The following ERICH1 variants were observed in gnomAD, a reference collection of about 807,000 sequenced individuals.
The protein encoded by ERICH1 is glutamate-rich protein 1.
Under a neutral mutation model 39.6 loss-of-function variants are expected in ERICH1, and 56 were observed. The observed-to-expected ratio is 1.41, with a 90% CI of 1.14 to 1.77. ERICH1 has a LOEUF of 1.77. Among genes scored for constraint, ERICH1 ranks in the 40% most tolerant of loss-of-function variants. The pLI is 0.00. For missense variants in ERICH1, 826 were observed against 575.4 expected (o/e 1.44, Z -4.45); for synonymous variants, 313 against 223.6 (o/e 1.40, Z -3.57).
chr8:706,640 G>A (rs540932648), intron 2 of ERICH1, among the ~76,000 whole-genome samples: 4 of 152,180 alleles, frequency 2.6e-5, no homozygotes, highest in South Asian at 2.1e-4. Flanking sequence ...TTAGTCGGAC[G>A]TGGTGGCACA....
intron 2 of ERICH1, among the ~76,000 whole-genome samples, chr8:699,544 T>C (rs957454914): frequency 2.0e-5 from 3 of 152,112 alleles, no homozygotes; most frequent in Non-Finnish European, 4.4e-5. Flanking sequence ...TGACGGCGAC[T>C]CACAAAAGCA....
chr8:619,174 T>C (rs1797120217), intron 3 of ERICH1, among the ~76,000 whole-genome samples: 1 of 151,808 alleles, frequency 6.6e-6, no homozygotes, highest in Non-Finnish European at 1.5e-5. Flanking sequence ...TCTGGCCACC[T>C]GTGTTGCCCA....
rs189236189 is a variant in ERICH1, at chr8:616,424, C to T, written c.977-1140G>A. 3.8e-3 allele frequency: 1,624 copies of T among 422,646 alleles called. 10 individuals are homozygous for T. Among genetic ancestry groups the T allele is most frequent in the Middle Eastern group, 9.0e-3 (14 of 1,552 alleles). 26.2% of individuals were successfully genotyped at this position (422,646 alleles called of 1,614,324 possible). A position where few individuals can be genotyped will look rare whatever the true frequency, so the allele number is the denominator to read the frequency against. ...CACGTGTGTGAGGCTGACCGAACCC[C>T]GCACACCCCATGCTCTCCTGGCTAA... On this transcript the variant is annotated intron_variant, in intron 3 of 3. Coordinates refer to the ERICH1 transcript ENST00000522706.
intron 1 of ERICH1, among the ~76,000 whole-genome samples, chr8:726,705 T>G (rs556786394): frequency 1.1e-4 from 17 of 149,042 alleles, no homozygotes; most frequent in Admixed American, 4.0e-4. Context: ...GGCACACACA[T>G]GTACACACAC....
chr8:629,937 C>G (rs111457980), intron 3 of ERICH1, among the ~76,000 whole-genome samples: 1 of 96,174 alleles, frequency 1.0e-5, no homozygotes, highest in Non-Finnish European at 2.2e-5. Context: ...TGACCACCCA[C>G]ACAGAGCTGA....
chr8:668,188 G>A (rs1324902452), intron 5 of ERICH1: 2 of 255,896 alleles, frequency 7.8e-6, no homozygotes, highest in Non-Finnish European at 1.5e-5. Flanking sequence ...CCCGGTGAAG[G>A]TGGCAGAAAA....
chr8:692,874 A>C (rs1809237447), intron 2 of ERICH1, among the ~76,000 whole-genome samples: 1 of 152,236 alleles, frequency 6.6e-6, no homozygotes, highest in Non-Finnish European at 1.5e-5. Flanking sequence ...TTATTATGCA[A>C]ACTTCTGGGT....
intron 1 of ERICH1, among the ~76,000 whole-genome samples, chr8:730,123 G>C (rs777721522): frequency 6.6e-6 from 1 of 152,146 alleles, no homozygotes; most frequent in Non-Finnish European, 1.5e-5. Flanking sequence ...ATTAACATAC[G>C]TGAATGTCCA....
intron 3 of ERICH1, chr8:627,178 C>A: frequency 4.4e-6 from 2 of 456,266 alleles, no homozygotes; most frequent in South Asian, 1.5e-5. Flanking sequence ...CACATGTAGC[C>A]ACTGATGTGC....
chr8:686,963 C>T (rs545111208), intron 3 of ERICH1, among the ~76,000 whole-genome samples: 1 of 152,302 alleles, frequency 6.6e-6, no homozygotes, highest in South Asian at 2.1e-4. Context: ...AGCCCCATCA[C>T]CCACCCACGA....
intron 1 of ERICH1, 151 bp downstream of exon 1, chr8:730,989 T>C (rs1311568677): frequency 1.2e-6 from 1 of 840,806 alleles, no homozygotes; most frequent in Non-Finnish European, 1.6e-6. Context: ...GAGCGGGGGA[T>C]GGGTAGGGAC....
rs193076442 is a variant in ERICH1 at position 623,147 on chromosome 8, T to A, written c.977-7863A>T. Among the ~76,000 whole-genome samples, 7 of 152,240 alleles carry A rather than the reference T, an allele frequency of 4.6e-5. No individual in the cohort carries two copies. The East Asian group carries it at 1.2e-3, about 25-fold the overall frequency. ...TACAGACTAATATTCCTTATGAATA[T>A]AGACACAAACACTAGCAAACAACTT... is the stretch of plus-strand genomic sequence containing the variant. On this transcript the variant is annotated intron_variant, in intron 3 of 3. Coordinates refer to the ERICH1 transcript ENST00000522706.
chr8:706,412 T>A (rs1476637511), intron 2 of ERICH1, among the ~76,000 whole-genome samples: 4 of 151,988 alleles, frequency 2.6e-5, no homozygotes, highest in Non-Finnish European at 5.9e-5. Flanking sequence ...AATAAAATAC[T>A]TTGGAATACA....
chr8:716,002 C>T lies in ERICH1; in HGVS notation c.28G>A (p.Val10Met), dbSNP rs138236526. The T allele has an allele frequency of 8.1e-6, 13 of 1,607,696 alleles. No homozygotes were observed. The African/African-American group carries it at 1.5e-4, about 18-fold the overall frequency. ...AAAAGTCTCTGCAGCACCTTCTCCA[C>T]AAACACTGTACAGACAACCGATTAA... MAAHRKHVF[V>M]EKVLQRLFPP... Residue 10 changes from valine (V) to methionine (M), a missense_variant, in exon 2 of 6, where the codon GTG becomes ATG. Coordinates refer to ENST00000262109, the MANE Select transcript of ERICH1 (RefSeq NM_207332.3).
At chr8:696,606 TC>T in intron 2 of ERICH1, among the ~76,000 whole-genome samples, 1 of 55,456 alleles carries the variant, frequency 1.8e-5, no homozygotes, top group African/African-American at 1.1e-4. Context: ...CACTCCTTCC[TC>T]CCCATCAGCC....
In ERICH1 at chr8:622,607, C is replaced by A. The variant is rs572346374; in HGVS notation, c.977-7323G>T. Reference sequence around the variant, plus strand: ...AGGTATTTTGATATCACAGTCCAAACAGACTACCCTTGAAAACCCAAGCCA... The same window carrying A: ...AGGTATTTTGATATCACAGTCCAAAAAGACTACCCTTGAAAACCCAAGCCA... On this transcript the variant is annotated intron_variant, in intron 3 of 3. Coordinates refer to the ERICH1 transcript ENST00000522706. 2.2e-4 allele frequency among the ~76,000 whole-genome samples: 33 copies of A among 152,228 alleles called. 1 individual carries two copies. In the Middle Eastern group the frequency reaches 0.01, roughly 47 times the overall value.
rs149552141 is a variant in ERICH1 at position 645,647 on chromosome 8, G to A, written c.976+22951C>T. On this transcript the variant is annotated intron_variant, in intron 3 of 3. Coordinates refer to the ERICH1 transcript ENST00000522706. The stretch of plus-strand genomic sequence containing the variant: ...CCTCCGTGGTATCAGGGAGGCGACC[G>A]TGGAGGCTTGGGAGTTGGCAGAATT... 7.0e-3 allele frequency among the ~76,000 whole-genome samples: 475 copies of A among 68,128 alleles called. 207 individuals are homozygous for A. Among genetic ancestry groups the A allele is most frequent in the South Asian group, 0.024 (43 of 1,786 alleles). 44.7% of individuals were successfully genotyped at this position (68,128 alleles called of 152,430 possible). A position where few individuals can be genotyped will look rare whatever the true frequency, so the allele number is the denominator to read the frequency against.
intron 3 of ERICH1, among the ~76,000 whole-genome samples, chr8:680,805 G>C (rs1805951227): frequency 6.6e-6 from 1 of 152,204 alleles, no homozygotes; most frequent in Non-Finnish European, 1.5e-5. Context: ...CAGTGTGTGA[G>C]AGAGCCCAGA....
At position 715,985 on chromosome 8, in the gene ERICH1, C is replaced by G; in HGVS notation, c.45G>C (p.Gln15His). 7 of 1,611,444 alleles carry G rather than the reference C, an allele frequency of 4.3e-6. No homozygotes were observed. Among genetic ancestry groups the G allele is most frequent in the Non-Finnish European group, 5.9e-6 (7 of 1,179,188 alleles). ...CACTTGGAACAGGAGGAAAAAGTCTCTGCAGCACCTTCTCCACAAACACTG... is the reference window on the plus strand; with the variant it reads ...CACTTGGAACAGGAGGAAAAAGTCTGTGCAGCACCTTCTCCACAAACACTG... ...RKHVFVEKVL[Q>H]RLFPPVPSGQ... The change falls in exon 2 of 6, where the codon CAG becomes CAC. Residue 15 changes from glutamine to histidine, a missense_variant. By Grantham distance (24) the Gln-to-His change is conservative. Coordinates refer to ENST00000262109, the MANE Select transcript of ERICH1 (RefSeq NM_207332.3).
Sources: gnomAD v4.1 joint callset for allele counts (sites outside exome capture counted in the v4.1 genomes callset) on GRCh38, gnomAD v4.1.1 for gene constraint, MANE v1.5 for transcripts, NCBI Gene and HGNC (gene_info 2026-07-23, HGNC 2026-07-21) for gene names.